The following BAIAP2L1 variants were observed in gnomAD, a reference collection of about 807,000 sequenced individuals.
The protein encoded by BAIAP2L1 is BAR/IMD domain containing adaptor protein 2 like 1.
In BAIAP2L1, 35 loss-of-function variants were observed where a neutral mutation model predicts 66.3. The ratio of observed to expected loss-of-function variants is 0.53; its 90% CI spans 0.40 to 0.70. The LOEUF is 0.70. BAIAP2L1 is among the 30% of genes least tolerant of loss of function. The pLI is 0.00. For synonymous variants in BAIAP2L1, 269 were observed against 248.7 expected, an observed-to-expected ratio of 1.08 and a Z score of -0.77; for missense variants, 622 against 656.9, an observed-to-expected ratio of 0.95 and a Z score of 0.58.
At chr7:98,378,484 A>G (rs1584497558) in intron 1 of BAIAP2L1, among the ~76,000 whole-genome samples, 1 of 152,090 alleles carries the variant, frequency 6.6e-6, no homozygotes, top group Non-Finnish European at 1.5e-5. Context: ...TCTCAGAGAC[A>G]CCTTCCTTGA....
chr7:98,313,885 C>A (rs1188690467), intron 7 of BAIAP2L1, among the ~76,000 whole-genome samples: 1 of 151,498 alleles, frequency 6.6e-6, no homozygotes, highest in African/African-American at 2.4e-5. Flanking sequence ...CTGCCTTGGG[C>A]TCCCAAAGGG....
At chr7:98,331,634 A>G (rs2115587205) in intron 3 of BAIAP2L1, among the ~76,000 whole-genome samples, 1 of 151,972 alleles carries the variant, frequency 6.6e-6, no homozygotes, top group Non-Finnish European at 1.5e-5. Context: ...ACACCCAGCT[A>G]ATTTCGTATT....
chr7:98,345,552 C>G (rs1044637203), intron 3 of BAIAP2L1, among the ~76,000 whole-genome samples: 4 of 152,006 alleles, frequency 2.6e-5, no homozygotes, highest in African/African-American at 9.7e-5. Context: ...TCGTGAAACC[C>G]CATCTTTACT....
At chr7:98,302,720 C>T (rs141276176) in intron 12 of BAIAP2L1, among the ~76,000 whole-genome samples, 155 of 152,322 alleles carry the variant, frequency 1.0e-3, no homozygotes, top group East Asian at 3.3e-3. Flanking sequence ...AAAGGCCTCA[C>T]GAGCCCTATC....
In BAIAP2L1 at chr7:98,362,211, T is replaced by C. The variant is rs373594554; in HGVS notation, c.127+146A>G. 22 of 622,332 alleles carry C rather than the reference T, an allele frequency of 3.5e-5. No individual in the cohort carries two copies. In the African/African-American group the frequency reaches 3.7e-4, roughly 11 times the overall value. 38.6% of individuals were successfully genotyped at this position (622,332 alleles called of 1,614,324 possible). ...AATACGCTAATATCATTGTGTACTG[T>C]CATTGCAAAGTTCTGTAGATTAAAT... On this transcript the variant is annotated intron_variant, in intron 2 of 13. Transcript: ENST00000005260.
At chr7:98,364,541 T>C (rs976709723) in intron 1 of BAIAP2L1, among the ~76,000 whole-genome samples, 1 of 152,178 alleles carries the variant, frequency 6.6e-6, no homozygotes, top group African/African-American at 2.4e-5. Context: ...TTCTCCAAAA[T>C]GGAGATCACA....
At chr7:98,323,642 T>C (rs1437629202) in intron 3 of BAIAP2L1, among the ~76,000 whole-genome samples, 2 of 152,208 alleles carry the variant, frequency 1.3e-5, no homozygotes, top group Non-Finnish European at 2.9e-5. Flanking sequence ...GCACGCTCCA[T>C]GCTCCTGCCC....
intron 9 of BAIAP2L1, 148 bp downstream of exon 9, chr7:98,310,297 C>T: frequency 1.3e-6 from 1 of 780,750 alleles, no homozygotes; most frequent in Non-Finnish European, 2.0e-6. Context: ...TGAACTCACG[C>T]TCTGCAAAGC....
At chr7:98,387,834 CT>C (rs1011027971) in intron 1 of BAIAP2L1, among the ~76,000 whole-genome samples, 1 of 152,088 alleles carries the variant, frequency 6.6e-6, no homozygotes, top group Non-Finnish European at 1.5e-5. Context: ...TGCCATTTCA[CT>C]CCAGCCTGGG....
intron 13 of BAIAP2L1, 150 bp downstream of exon 13, chr7:98,293,924 C>A: frequency 1.1e-6 from 1 of 912,026 alleles, no homozygotes. Context: ...GTTGGTAAAG[C>A]GAGCAGGGGG....
At chr7:98,305,047 GTTT>G (rs59633894) in intron 11 of BAIAP2L1, among the ~76,000 whole-genome samples, 8 of 100,378 alleles carry the variant, frequency 8.0e-5, no homozygotes, top group African/African-American at 3.0e-4. Flanking sequence ...TTTGTTTTTT[GTTT>G]TTTTTTTTTT....
At chr7:98,294,023 C>T (rs995205332) in intron 13 of BAIAP2L1, 51 bp downstream of exon 13, 27 of 1,599,374 alleles carry the variant, frequency 1.7e-5, no homozygotes, top group Non-Finnish European at 2.3e-5. Context: ...GGGGACACTA[C>T]AGGGAAGAGC....
chr7:98,386,693 GTTTTTTTTT>G (rs71112150), intron 1 of BAIAP2L1: 14 of 188,784 alleles, frequency 7.4e-5, no homozygotes, highest in Admixed American at 2.4e-4. Context: ...CTTTCCAAAG[GTTTTTTTTT>G]TTTTTTTTTT....
At chr7:98,330,016 C>T (rs960571588) in intron 3 of BAIAP2L1, among the ~76,000 whole-genome samples, 4 of 152,200 alleles carry the variant, frequency 2.6e-5, no homozygotes, top group Admixed American at 2.6e-4. Context: ...GTTACAAATA[C>T]AGCTTCCTCT....
intron 3 of BAIAP2L1, among the ~76,000 whole-genome samples, chr7:98,330,715 G>A (rs1358761349): frequency 1.3e-5 from 2 of 152,134 alleles, no homozygotes; most frequent in African/African-American, 4.8e-5. Flanking sequence ...GTTCTGCGTG[G>A]TACCAGCATC....
Position 98,306,530 on chromosome 7 carries a change from G to A in BAIAP2L1, c.1164-14C>T. The A allele has an allele frequency of 6.2e-7, 1 of 1,614,112 alleles. No individual in the cohort carries two copies. Among genetic ancestry groups the A allele is most frequent in the Non-Finnish European group, 8.5e-7 (1 of 1,180,020 alleles). On this transcript the variant is annotated splice_polypyrimidine_tract_variant and intron_variant, in intron 10 of 13. Coordinates refer to ENST00000005260, the MANE Select transcript of BAIAP2L1 (RefSeq NM_018842.5). ...AACCAACCCCTCCTACCGGCAAAGA[G>A]GGAGAAAAGACCCTATCAGCAGTAG...
At chr7:98,311,885 G>A (rs1403385785) in intron 8 of BAIAP2L1, among the ~76,000 whole-genome samples, 4 of 152,078 alleles carry the variant, frequency 2.6e-5, no homozygotes, top group Non-Finnish European at 4.4e-5. Flanking sequence ...CAGCCTGGGC[G>A]ACAGAGCAAG....
At chr7:98,309,271 C>A (rs1440548554) in intron 9 of BAIAP2L1, 1 of 152,186 alleles carries the variant, frequency 6.6e-6, no homozygotes, top group Non-Finnish European at 1.5e-5. Flanking sequence ...TCTCTTGCCT[C>A]AGCCTCCTGA....
At chr7:98,324,992 C>G (rs1010005194) in intron 3 of BAIAP2L1, among the ~76,000 whole-genome samples, 6 of 152,210 alleles carry the variant, frequency 3.9e-5, no homozygotes, top group African/African-American at 1.4e-4. Context: ...CTACTTCCTA[C>G]ACATCACTAC....
Sources: allele counts gnomAD v4.1 joint callset (sites outside exome capture counted in the v4.1 genomes callset), GRCh38; gene constraint gnomAD v4.1.1; transcripts MANE v1.5; gene names NCBI Gene and HGNC (gene_info 2026-07-23, HGNC 2026-07-21).